EFCAB12: variants seen among roughly 807,000 people sequenced by gnomAD.
EFCAB12 encodes the protein EF-hand calcium binding domain 12, also known as EF-hand calcium-binding domain-containing protein 12.
A neutral mutation model predicts 53.6 loss-of-function variants in EFCAB12; 43 were observed. The ratio of observed to expected loss-of-function variants is 0.80; its 90% CI spans 0.63 to 1.03. The LOEUF is 1.03. EFCAB12 is among the 50% of genes least tolerant of loss of function. The probability of loss-of-function intolerance (pLI) is 0.00; values close to 1 mark genes in which losing one functional copy is unlikely to be tolerated. For missense variants in EFCAB12, 646 were observed against 730.6 expected (o/e 0.88, Z 1.34); for synonymous variants, 269 against 289.2 (o/e 0.93, Z 0.71).
intron 3 of EFCAB12, 32 bp from the exon 4 acceptor site, chr3:129,415,433 G>T: frequency 6.2e-7 from 1 of 1,611,092 alleles, no homozygotes. Context: ...AGACTAGCAG[G>T]CTCCCATCCA....
rs765273693 is a variant in EFCAB12 at position 129,418,491 on chromosome 3, G to A, written c.487-43C>T. ...GTAGGGCAGAGGAGAGAGTTCAAAG[G>A]AGACAGGCCAGGCGGATGCAGTCCC... On this transcript the variant is annotated intron_variant, in intron 2 of 8. Coordinates refer to ENST00000505956, the MANE Select transcript of EFCAB12 (RefSeq NM_207307.3). The A allele has an allele frequency of 3.9e-6, 6 of 1,533,604 alleles. No homozygotes were observed. In the African/African-American group the frequency reaches 6.8e-5, roughly 17 times the overall value. The allele number at this position is 1,533,604 out of a possible 1,614,324, so 95.0% of individuals were successfully genotyped here.
intron 5 of EFCAB12, among the ~76,000 whole-genome samples, chr3:129,409,557 G>T (rs2072003603): frequency 1.3e-5 from 2 of 152,210 alleles, no homozygotes; most frequent in African/African-American, 4.8e-5. Context: ...GGCGGAGCAG[G>T]TAGCTGCTTT....
At position 129,411,342 on chromosome 3, in the gene EFCAB12, G is replaced by A. The variant is rs2072037559; in HGVS notation, c.851C>T (p.Ala284Val). ...ACCCTTCAGGGAATCTCTGTGCTTG[G>A]CCAAGATATAATCTGGAGTCAGAGG... is the stretch of plus-strand genomic sequence containing the variant. ...LATAREHYIL[A>V]KHRDSLKGPL... The change falls in exon 5 of 9, where the codon GCC (alanine) becomes GTC (valine). Residue 284 changes from alanine to valine, a missense_variant. Ala to Val is a moderately conservative substitution (Grantham distance 64). Coordinates refer to ENST00000505956, the MANE Select transcript of EFCAB12 (RefSeq NM_207307.3). 1.3e-6 allele frequency: 2 copies of A among 1,582,584 alleles called. No individual in the cohort carries two copies. The highest frequency in any genetic ancestry group is 1.7e-6 in the Non-Finnish European group (2 of 1,161,344).
Position 129,411,227 on chromosome 3 carries a change from C to A in EFCAB12, c.966G>T (p.Thr322=). 2 of 1,613,816 alleles carry A rather than the reference C, an allele frequency of 1.2e-6. No homozygotes were observed. The highest frequency in any genetic ancestry group is 2.7e-5 in the African/African-American group (2 of 75,044). ...CCATCTCCTCCAGGGTCATGGGCCGCGTCTCCATCTGCGTGTCGACTGCAG... is the reference window on the plus strand; with the variant it reads ...CCATCTCCTCCAGGGTCATGGGCCGAGTCTCCATCTGCGTGTCGACTGCAG... ...TVPAVDTQME[T]RPMTLEEMEE... The change falls in exon 5 of 9, where the codon ACG becomes ACT. Residue 322 remains threonine, a synonymous_variant. Transcript: ENST00000505956.
chr3:129,402,915 CT>C, intron 7 of EFCAB12: 1 of 237,986 alleles, frequency 4.2e-6, no homozygotes, highest in Non-Finnish European at 8.3e-6. Context: ...CTGCCAAATC[CT>C]TTTGGGGTCC....
chr3:129,416,069 C>G (rs2072111527), intron 3 of EFCAB12, among the ~76,000 whole-genome samples: 1 of 152,212 alleles, frequency 6.6e-6, no homozygotes, highest in East Asian at 1.9e-4. Flanking sequence ...AGACATGAGC[C>G]ACTGTGCCTA....
At position 129,421,708 on chromosome 3, in the gene EFCAB12, CCTT is replaced by C. The variant is rs2072191534; in HGVS notation, c.142_144del (p.Lys48del). ...CGGCGGGTCTGAGGCAGGCGGAAGT[CCTT>C]CTGCTGGAACTGCTTGAAGCAGTGG... On this transcript the variant is annotated inframe_deletion, in exon 2 of 9. Coordinates refer to ENST00000505956, the MANE Select transcript of EFCAB12 (RefSeq NM_207307.3). 7 of 1,613,678 alleles carry C rather than the reference CCTT, an allele frequency of 4.3e-6. No individual in the cohort carries two copies. The highest frequency in any genetic ancestry group is 4.0e-5 in the African/African-American group (3 of 74,900).
chr3:129,408,904 C>A, intron 5 of EFCAB12, 46 bp from the exon 6 acceptor site: 1 of 1,540,280 alleles, frequency 6.5e-7, no homozygotes, highest in Non-Finnish European at 8.8e-7. Context: ...CGCCTGTGTC[C>A]CTCCTCCTGG....
At chr3:129,417,182 G>A (rs1358840970) in intron 3 of EFCAB12, among the ~76,000 whole-genome samples, 4 of 151,410 alleles carry the variant, frequency 2.6e-5, no homozygotes, top group Non-Finnish European at 2.9e-5. Context: ...AAAATTAGCC[G>A]GGCGTGGTGG....
In EFCAB12 at chr3:129,402,451, C is replaced by T. The variant is rs1442283902; in HGVS notation, c.1460+72G>A. ...AGCTGTTGTGCCAGGAGTGCAGAGTCCCAGTTGTCTCAGGCGAAGCTGCCC... is the reference window on the plus strand; with the variant it reads ...AGCTGTTGTGCCAGGAGTGCAGAGTTCCAGTTGTCTCAGGCGAAGCTGCCC... On this transcript the variant is annotated intron_variant, in intron 8 of 8. Coordinates refer to ENST00000505956, the MANE Select transcript of EFCAB12 (RefSeq NM_207307.3). 6 of 1,513,296 alleles carry T rather than the reference C, an allele frequency of 4.0e-6. No individual in the cohort carries two copies. The East Asian group carries it at 9.5e-5, about 24-fold the overall frequency. The allele number at this position is 1,513,296 out of a possible 1,614,324, so 93.7% of individuals were successfully genotyped here. A position where few individuals can be genotyped will look rare whatever the true frequency, so the allele number is the denominator to read the frequency against.
rs1347168324 is a variant in EFCAB12, at chr3:129,415,355, T to C, written c.728A>G (p.Tyr243Cys). The C allele has an allele frequency of 1.2e-6, 2 of 1,613,742 alleles. No homozygotes were observed. The highest frequency in any genetic ancestry group is 1.7e-5 in the Admixed American group (1 of 60,008). The change falls in exon 4 of 9, where the codon TAC (tyrosine) becomes TGC (cysteine). Residue 243 changes from tyrosine (Y) to cysteine (C), a missense_variant. Tyr to Cys is a radical substitution (Grantham distance 194). Coordinates refer to ENST00000505956, the MANE Select transcript of EFCAB12 (RefSeq NM_207307.3). ...GTTGTGCTTCCCAAGAGAGCTGAGG[T>C]AGATCACTATATCCTCCACCTCTTG... ...KNQEVEDIVIYLSSLGKHNTI... is the reference protein window; with the variant it reads ...KNQEVEDIVICLSSLGKHNTI...
chr3:129,415,290 A>T lies in EFCAB12; in HGVS notation c.793T>A (p.Trp265Arg). 1 of 1,612,858 alleles carries T rather than the reference A, an allele frequency of 6.2e-7. No individual in the cohort carries two copies. The highest frequency in any genetic ancestry group is 8.5e-7 in the Non-Finnish European group (1 of 1,179,736). Residue 265 changes from tryptophan (W) to arginine (R), a missense_variant, in exon 4 of 9, where the codon TGG becomes AGG. By Grantham distance (101) the Trp-to-Arg change is moderately radical (BLOSUM62 -3). Transcript: ENST00000505956. ...CTGCTCCTTTGCTGAGCCATAGACC[A>T]CTGCTTGTAGGTATTGGCCAGGATA... ...MDILANTYKQ[W>R]SMAQQRSSLA...
In EFCAB12 at chr3:129,402,589, AAG is replaced by A. The variant is rs746988066; in HGVS notation, c.1404-12_1404-11del. ...TTTCTTTGGCGTTTTCCTAGTGGAGAAGAGAGAGGCATTTTGTGAGGAGAGTG... is the reference window on the plus strand; with the variant it reads ...TTTCTTTGGCGTTTTCCTAGTGGAGAAGAGAGGCATTTTGTGAGGAGAGTG... On this transcript the variant is annotated splice_polypyrimidine_tract_variant and intron_variant, in intron 7 of 8. Transcript: ENST00000505956. The A allele has an allele frequency of 1.8e-4, 286 of 1,611,264 alleles. 3 individuals are homozygous for A. Among genetic ancestry groups the A allele is most frequent in the South Asian group, 6.7e-4 (61 of 90,588 alleles).
intron 8 of EFCAB12, 22 bp downstream of exon 8, chr3:129,402,501 G>A: frequency 1.2e-6 from 2 of 1,608,734 alleles, no homozygotes; most frequent in Non-Finnish European, 1.7e-6. Context: ...CTTCCTTGTG[G>A]AGTTAGATGA....
intron 4 of EFCAB12, chr3:129,414,596 A>G (rs2072089267): frequency 6.6e-6 from 1 of 152,230 alleles, no homozygotes; most frequent in African/African-American, 2.4e-5. Flanking sequence ...GAATGGTACT[A>G]AGATATAAAG....
rs370412572 is a variant in EFCAB12 at position 129,421,765 on chromosome 3, G to T, written c.88C>A (p.Pro30Thr). Residue 30 changes from proline (P) to threonine (T), a missense_variant, in exon 2 of 9, where the codon CCC becomes ACC. Transcript: ENST00000505956. ...PSKTPINENA[P>T]VFDPEPVIAH... ...ATGACCGGTTCAGGATCAAAGACGG[G>T]AGCATTTTCATTGATGGGAGTCTTA... is the stretch of plus-strand genomic sequence containing the variant. 68 of 1,613,498 alleles carry T rather than the reference G, an allele frequency of 4.2e-5. No homozygotes were observed. In the African/African-American group the frequency reaches 8.8e-4, roughly 21 times the overall value.
At chr3:129,420,186 G>T (rs78245789) in intron 2 of EFCAB12, among the ~76,000 whole-genome samples, 2,179 of 152,214 alleles carry the variant, frequency 0.014, 58 homozygotes, top group African/African-American at 0.046. Context: ...CCAACCCAAT[G>T]GACACTTGTG....
intron 2 of EFCAB12, among the ~76,000 whole-genome samples, chr3:129,420,945 C>T (rs1397814192): frequency 6.6e-6 from 1 of 152,250 alleles, no homozygotes; most frequent in East Asian, 1.9e-4. Flanking sequence ...ACTTAAGCAG[C>T]CCTATGGAGA....
At position 129,428,426 on chromosome 3, in the gene EFCAB12, T is replaced by C. The variant is rs773058830; in HGVS notation, c.49+14A>G. On this transcript the variant is annotated intron_variant, in intron 1 of 8. Coordinates refer to ENST00000505956, the MANE Select transcript of EFCAB12 (RefSeq NM_207307.3). Reference sequence around the variant, plus strand: ...GCTGAGCGCTCCCTGCAGACGCTTCTTCCCGGGGCTTACCGAGCAGCGACA... The same window carrying C: ...GCTGAGCGCTCCCTGCAGACGCTTCCTCCCGGGGCTTACCGAGCAGCGACA... 2.5e-6 allele frequency: 4 copies of C among 1,603,206 alleles called. No homozygotes were observed. The South Asian group carries it at 4.5e-5, about 18-fold the overall frequency.
Sources: allele counts gnomAD v4.1 joint callset (sites outside exome capture counted in the v4.1 genomes callset), GRCh38; gene constraint gnomAD v4.1.1; transcripts MANE v1.5; gene names NCBI Gene and HGNC (gene_info 2026-07-23, HGNC 2026-07-21).